The following PCDH15 variants were observed in gnomAD, a reference collection of about 807,000 sequenced individuals.
PCDH15 encodes the protein protocadherin-15.
PCDH15 carries 129 observed loss-of-function variants against 178.5 expected under a neutral mutation model. The observed-to-expected ratio is 0.72, with a 90% CI of 0.63 to 0.84. The LOEUF (loss-of-function observed/expected upper bound fraction) is 0.84. Ranked by LOEUF, PCDH15 falls within the 40% of genes least tolerant of loss-of-function variation. The probability of loss-of-function intolerance (pLI) is 0.00; values close to 1 mark genes in which losing one functional copy is unlikely to be tolerated. For synonymous variants in PCDH15, 800 were observed against 732.0 expected (o/e 1.09, Z -1.50); for missense variants, 2,230 against 2,099.9 (o/e 1.06, Z -1.21).
At chr10:53,943,294 G>A (rs1217031574) in intron 23 of PCDH15, among the ~76,000 whole-genome samples, 1 of 151,954 alleles carries the variant, frequency 6.6e-6, no homozygotes, top group East Asian at 1.9e-4. Context: ...TTCAAGACCA[G>A]CCTCACCAAT....
chr10:54,540,848 T>C (rs1055490350), intron 2 of PCDH15, among the ~76,000 whole-genome samples: 1 of 152,144 alleles, frequency 6.6e-6, no homozygotes, highest in African/African-American at 2.4e-5. Flanking sequence ...GCAAGATTGG[T>C]TCAATATATG....
At chr10:55,179,641 G>C (rs1361646156) in intron 1 of PCDH15, among the ~76,000 whole-genome samples, 1 of 151,958 alleles carries the variant, frequency 6.6e-6, no homozygotes, top group Non-Finnish European at 1.5e-5. Context: ...CTTAGTTTCT[G>C]TCGCTCAATA....
chr10:55,623,319 TTTG>T (rs1329331442), intron 2 of PCDH15, among the ~76,000 whole-genome samples: 1 of 152,122 alleles, frequency 6.6e-6, no homozygotes, highest in East Asian at 1.9e-4. Context: ...TAGTGGTTTT[TTTG>T]TTGTTGTTTT....
intron 2 of PCDH15, among the ~76,000 whole-genome samples, chr10:55,475,325 C>T (rs1840041294): frequency 6.6e-6 from 1 of 152,154 alleles, no homozygotes; most frequent in Non-Finnish European, 1.5e-5. Context: ...AGCAACACTA[C>T]ATTCTAATCT....
chr10:55,136,663 A>G (rs537595871), intron 2 of PCDH15, among the ~76,000 whole-genome samples: 1 of 152,258 alleles, frequency 6.6e-6, no homozygotes, highest in South Asian at 2.1e-4. Flanking sequence ...AATTTAATTT[A>G]TAACTGCTTC....
At chr10:53,819,482 T>G (rs901354906) in intron 33 of PCDH15, among the ~76,000 whole-genome samples, 1 of 152,016 alleles carries the variant, frequency 6.6e-6, no homozygotes. Flanking sequence ...ACATGACTAT[T>G]GATACTTATA....
chr10:54,983,719 G>T (rs878873340), intron 2 of PCDH15, among the ~76,000 whole-genome samples: 1 of 152,054 alleles, frequency 6.6e-6, no homozygotes, highest in Admixed American at 6.6e-5. Flanking sequence ...AATGATGGCT[G>T]GTGTTGATCA....
intron 1 of PCDH15, among the ~76,000 whole-genome samples, chr10:54,708,748 G>A (rs2095393721): frequency 6.6e-6 from 1 of 151,702 alleles, no homozygotes; most frequent in African/African-American, 2.4e-5. Flanking sequence ...CCTTAAGGCT[G>A]TCAGAATCAC....
intron 1 of PCDH15, among the ~76,000 whole-genome samples, chr10:55,255,397 G>A (rs1841967467): frequency 6.6e-6 from 1 of 152,142 alleles, no homozygotes; most frequent in Admixed American, 6.5e-5. Flanking sequence ...ATTGTGAATA[G>A]TGCCACAATA....
intron 3 of PCDH15, among the ~76,000 whole-genome samples, chr10:54,413,998 T>C (rs560249051): frequency 6.6e-6 from 1 of 152,254 alleles, no homozygotes; most frequent in East Asian, 1.9e-4. Context: ...GTGTACGTTG[T>C]ACCCATAAAG....
intron 8 of PCDH15, among the ~76,000 whole-genome samples, chr10:54,287,300 T>C (rs979501801): frequency 6.6e-6 from 1 of 152,228 alleles, no homozygotes; most frequent in Admixed American, 6.5e-5. Flanking sequence ...TCTCTGACCA[T>C]TAATCTTGGG....
At chr10:53,932,395 T>C (rs1407383091) in intron 25 of PCDH15, among the ~76,000 whole-genome samples, 1 of 152,218 alleles carries the variant, frequency 6.6e-6, no homozygotes. Context: ...TAGATGTAGC[T>C]GTAATATAAT....
intron 2 of PCDH15, among the ~76,000 whole-genome samples, chr10:55,104,726 A>AT (rs1439192176): frequency 1.3e-5 from 2 of 152,218 alleles, no homozygotes; most frequent in South Asian, 2.1e-4. Context: ...AAGCTATTCA[A>AT]TTTTTTCTTA....
intron 18 of PCDH15, among the ~76,000 whole-genome samples, chr10:54,028,346 T>G (rs1220359788): frequency 1.4e-4 from 21 of 148,248 alleles, no homozygotes. Context: ...GGTGGGACTG[T>G]AAACTAGTTC....
chr10:54,518,638 A>C (rs2082486799), intron 3 of PCDH15, among the ~76,000 whole-genome samples: 1 of 152,218 alleles, frequency 6.6e-6, no homozygotes, highest in African/African-American at 2.4e-5. Context: ...AGGTACAAGG[A>C]GGAGCTGGTA....
chr10:54,167,510 G>T (rs191045975), intron 13 of PCDH15, among the ~76,000 whole-genome samples: 1 of 152,018 alleles, frequency 6.6e-6, no homozygotes, highest in Non-Finnish European at 1.5e-5. Context: ...ATACACCCAC[G>T]TTTCAAGGGT....
At chr10:54,198,927 A>G (rs933076495) in intron 10 of PCDH15, among the ~76,000 whole-genome samples, 2 of 152,232 alleles carry the variant, frequency 1.3e-5, no homozygotes, top group African/African-American at 4.8e-5. Flanking sequence ...GCAAAATTGT[A>G]TAATAATGAA....
At chr10:53,958,928 G>C (rs189660995) in intron 23 of PCDH15, among the ~76,000 whole-genome samples, 7 of 129,966 alleles carry the variant, frequency 5.4e-5, no homozygotes, top group African/African-American at 2.0e-4. Context: ...GTAGTGACCC[G>C]AGATTACGTC....
At chr10:55,625,439 T>C (rs1837505641) in intron 2 of PCDH15, among the ~76,000 whole-genome samples, 1 of 152,180 alleles carries the variant, frequency 6.6e-6, no homozygotes, top group Non-Finnish European at 1.5e-5. Flanking sequence ...TTTCATAGAA[T>C]ACTTCTTGAA....
Sources: allele counts gnomAD v4.1 joint callset (sites outside exome capture counted in the v4.1 genomes callset), GRCh38; gene constraint gnomAD v4.1.1; transcripts MANE v1.5; gene names NCBI Gene and HGNC (gene_info 2026-07-23, HGNC 2026-07-21).